CSN1S1: variants seen among roughly 807,000 people sequenced by gnomAD.
CSN1S1 encodes the protein casein alpha s1, also known as alpha-S1-casein.
CSN1S1 carries 63 observed loss-of-function variants against 49.1 expected under a neutral mutation model. That is an observed-to-expected ratio of 1.28 (90% CI 1.05 to 1.58). The LOEUF is 1.58. CSN1S1 is among the 40% of genes most tolerant of loss of function. CSN1S1 has a pLI of 0.00. For synonymous variants in CSN1S1, 78 were observed against 67.1 expected, an observed-to-expected ratio of 1.16 and a Z score of -0.79; for missense variants, 260 against 224.7, an observed-to-expected ratio of 1.16 and a Z score of -1.01.
At chr4:69,942,666 G>T (rs917684376) in intron 14 of CSN1S1, 89 bp downstream of exon 14, 3 of 1,023,854 alleles carry the variant, frequency 2.9e-6, no homozygotes, top group Non-Finnish European at 4.3e-6. Flanking sequence ...CTCTTGAAGA[G>T]ATTTTTTTCT....
At position 69,944,961 on chromosome 4, in the gene CSN1S1, G is replaced by A. The variant is rs192913312; in HGVS notation, c.514G>A (p.Ala172Thr). The change falls in exon 15 of 16, where the codon GCT becomes ACT. Residue 172 changes from alanine to threonine, a missense_variant. Transcript: ENST00000246891. ...PPFSDISNPT[A>T]HENYEKNNVM... is the part of the protein sequence containing the mutation. ...GTTTTCCGACATCTCCAATCCCACT[G>A]CTCATGAAAATTATGAAAAAAATAA... 1.9e-4 allele frequency: 305 copies of A among 1,612,642 alleles called. 1 individual carries two copies. The African/African-American group carries it at 3.6e-3, about 19-fold the overall frequency.
intron 11 of CSN1S1, among the ~76,000 whole-genome samples, chr4:69,940,531 T>A (rs939469802): frequency 4.6e-5 from 7 of 151,782 alleles, no homozygotes; most frequent in Non-Finnish European, 7.4e-5. Flanking sequence ...TTTCCCAGTA[T>A]AAGTCTATAA....
intron 3 of CSN1S1, 110 bp from the exon 4 acceptor site, chr4:69,934,580 G>T: frequency 1.0e-6 from 1 of 954,374 alleles, no homozygotes; most frequent in Non-Finnish European, 1.6e-6. Context: ...CATTTGATAT[G>T]TTGAATCTTG....
intron 15 of CSN1S1, 26 bp from the exon 16 acceptor site, chr4:69,946,169 AC>A: frequency 1.9e-6 from 1 of 524,234 alleles, no homozygotes; most frequent in Non-Finnish European, 3.5e-6. Flanking sequence ...AATATAACTC[AC>A]CACATATTTC....
chr4:69,932,279 T>C (rs1444603267), intron 1 of CSN1S1, among the ~76,000 whole-genome samples: 1 of 152,066 alleles, frequency 6.6e-6, no homozygotes, highest in Middle Eastern at 3.4e-3. Context: ...TGTTATGTTT[T>C]AAAGTGTTAG....
chr4:69,935,746 C>T (rs1466847475), intron 4 of CSN1S1, among the ~76,000 whole-genome samples, 180 bp from the exon 5 acceptor site: 1 of 152,016 alleles, frequency 6.6e-6, no homozygotes, highest in Non-Finnish European at 1.5e-5. Flanking sequence ...TTACAATTTC[C>T]TCACTCCTTA....
At chr4:69,945,869 T>C (rs1723148920) in intron 15 of CSN1S1, among the ~76,000 whole-genome samples, 1 of 151,860 alleles carries the variant, frequency 6.6e-6, no homozygotes, top group African/African-American at 2.4e-5. Flanking sequence ...GTGTGTTTCC[T>C]TTTCCAGTGG....
intron 1 of CSN1S1, 56 bp downstream of exon 1, chr4:69,931,173 C>A (rs1722595945): frequency 6.6e-6 from 1 of 151,984 alleles, no homozygotes. Context: ...TAATCTCTTT[C>A]TTCCACTGTT....
At chr4:69,931,610 A>T (rs188503980) in intron 1 of CSN1S1, among the ~76,000 whole-genome samples, 1 of 151,910 alleles carries the variant, frequency 6.6e-6, no homozygotes, top group Admixed American at 6.6e-5. Flanking sequence ...TGTAATGATT[A>T]TTAAATTTAG....
chr4:69,932,299 AT>A (rs934437598), intron 1 of CSN1S1, among the ~76,000 whole-genome samples: 1 of 151,942 alleles, frequency 6.6e-6, no homozygotes, highest in Non-Finnish European at 1.5e-5. Flanking sequence ...GTGAAGAAAA[AT>A]GTTTGTAAGA....
intron 15 of CSN1S1, among the ~76,000 whole-genome samples, chr4:69,945,534 C>A (rs1305906899): frequency 6.6e-6 from 1 of 151,772 alleles, no homozygotes; most frequent in Non-Finnish European, 1.5e-5. Context: ...ATATTGTGGG[C>A]AAAATAAACA....
At position 69,935,818 on chromosome 4, in the gene CSN1S1, T is replaced by A. The variant is rs977882567; in HGVS notation, c.106-108T>A. ...GTCACATTCTCTATAATTTTTGACT[T>A]AATTGTTGAATAGAAGAACATAACG... On this transcript the variant is annotated intron_variant, in intron 4 of 15. Coordinates refer to ENST00000246891, the MANE Select transcript of CSN1S1 (RefSeq NM_001890.2). 22 of 747,594 alleles carry A rather than the reference T, an allele frequency of 2.9e-5. No individual in the cohort carries two copies. The Admixed American group carries it at 5.7e-4, about 19-fold the overall frequency. 46.3% of individuals were successfully genotyped at this position (747,594 alleles called of 1,614,324 possible).
At chr4:69,934,036 T>G (rs940554056) in intron 2 of CSN1S1, among the ~76,000 whole-genome samples, 176 bp from the exon 3 acceptor site, 4 of 151,752 alleles carry the variant, frequency 2.6e-5, no homozygotes, top group Non-Finnish European at 5.9e-5. Context: ...AATTATGATT[T>G]CTTTTTTTTT....
At chr4:69,944,733 C>T in intron 14 of CSN1S1, 117 bp from the exon 15 acceptor site, 1 of 1,060,958 alleles carries the variant, frequency 9.4e-7, no homozygotes, top group South Asian at 1.6e-5. Flanking sequence ...ACAGAGTAAT[C>T]ATTTTTTATC....
At chr4:69,933,872 T>C (rs1722686494) in intron 2 of CSN1S1, among the ~76,000 whole-genome samples, 1 of 152,046 alleles carries the variant, frequency 6.6e-6, no homozygotes, top group Non-Finnish European at 1.5e-5. Context: ...GTAATATATA[T>C]AGTTCAGAAA....
At chr4:69,931,754 G>A (rs1007616908) in intron 1 of CSN1S1, among the ~76,000 whole-genome samples, 1 of 151,830 alleles carries the variant, frequency 6.6e-6, no homozygotes, top group Non-Finnish European at 1.5e-5. Context: ...TGATTAAGGT[G>A]TGAACAAATA....
At chr4:69,941,375 C>T (rs1353318305) in intron 12 of CSN1S1, among the ~76,000 whole-genome samples, 1 of 151,710 alleles carries the variant, frequency 6.6e-6, no homozygotes, top group Non-Finnish European at 1.5e-5. Flanking sequence ...GAGAATTTCA[C>T]AAATATGCTT....
At chr4:69,935,973 A>G in intron 5 of CSN1S1, 24 bp downstream of exon 5, 1 of 1,523,836 alleles carries the variant, frequency 6.6e-7, no homozygotes, top group Non-Finnish European at 8.9e-7. Context: ...CACAGAATTT[A>G]CCGTGCAATT....
intron 10 of CSN1S1, among the ~76,000 whole-genome samples, chr4:69,939,738 A>G (rs555181433): frequency 9.9e-5 from 15 of 151,914 alleles, no homozygotes; most frequent in African/African-American, 3.4e-4. Context: ...AAATAAAACC[A>G]ACTCACTTAA....
Sources: allele counts gnomAD v4.1 joint callset (sites outside exome capture counted in the v4.1 genomes callset), GRCh38; gene constraint gnomAD v4.1.1; transcripts MANE v1.5; gene names NCBI Gene and HGNC (gene_info 2026-07-23, HGNC 2026-07-21).